The following CREM variants were observed in gnomAD, a reference collection of about 807,000 sequenced individuals.
CREM encodes cAMP-responsive element modulator.
A neutral mutation model predicts 37.3 loss-of-function variants in CREM; 13 were observed. That is an observed-to-expected ratio of 0.35 (90% CI 0.23 to 0.55). CREM has a LOEUF of 0.55. Ranked by LOEUF, CREM falls within the 20% of genes least tolerant of loss-of-function variation. CREM has a pLI of 0.88. For synonymous variants in CREM, 124 were observed against 120.2 expected (o/e 1.03, Z -0.21); for missense variants, 296 against 362.3 (o/e 0.82, Z 1.49).
chr10:35,194,670 G>A (rs1247006239), intron 6 of CREM, among the ~76,000 whole-genome samples: 1 of 151,764 alleles, frequency 6.6e-6, no homozygotes, highest in African/African-American at 2.4e-5. Context: ...GTGAACACAG[G>A]TGGCTGGATA....
chr10:35,142,786 T>C (rs1321914182), intron 2 of CREM, among the ~76,000 whole-genome samples: 1 of 152,098 alleles, frequency 6.6e-6, no homozygotes, highest in African/African-American at 2.4e-5. Flanking sequence ...TTTTGTTTTC[T>C]ATGTGGAGAC....
Position 35,211,718 on chromosome 10 carries a change from T to C in CREM, c.*320T>C. On this transcript the variant is annotated 3_prime_UTR_variant, in exon 8 of 8. Transcript: ENST00000685392. ...TATGTAAAATGTCTGGAGAGCCGAGTTGCAGTGCTGGAAGTCCAGAACAAG... is the reference window on the plus strand; with the variant it reads ...TATGTAAAATGTCTGGAGAGCCGAGCTGCAGTGCTGGAAGTCCAGAACAAG... The C allele has an allele frequency of 6.2e-7, 1 of 1,614,092 alleles. No homozygotes were observed. The highest frequency in any genetic ancestry group is 1.7e-5 in the Admixed American group (1 of 60,002).
At chr10:35,150,225 CACT>C (rs760910759) in intron 3 of CREM, among the ~76,000 whole-genome samples, 1 of 151,864 alleles carries the variant, frequency 6.6e-6, no homozygotes, top group Non-Finnish European at 1.5e-5. Flanking sequence ...GACAAGTTCT[CACT>C]ATATTGCCCA....
intron 3 of CREM, chr10:35,175,930 A>T (rs1456004492): frequency 1.3e-6 from 2 of 1,551,846 alleles, no homozygotes; most frequent in Non-Finnish European, 8.7e-7. Flanking sequence ...GCCAAACTAT[A>T]CATGTCCAGG....
At chr10:35,147,688 ATATT>A (rs762466423) in intron 2 of CREM, among the ~76,000 whole-genome samples, 7 of 152,204 alleles carry the variant, frequency 4.6e-5, no homozygotes, top group Non-Finnish European at 7.3e-5. Flanking sequence ...GAATCATAGA[ATATT>A]TATACTTTTC....
Position 35,146,780 on chromosome 10 carries a change from T to G in CREM, c.45-1588T>G, listed in dbSNP as rs147361072. Among the ~76,000 whole-genome samples, 125 of 152,310 alleles carry G rather than the reference T, an allele frequency of 8.2e-4. 1 individual carries two copies. In the East Asian group the frequency reaches 0.023, roughly 28 times the overall value. ...GTAGTATAGATGATAGCAGACAGGT[T>G]TGAGCATGGAAGGATTGGATTTGGG... On this transcript the variant is annotated intron_variant, in intron 2 of 7. Coordinates refer to ENST00000685392, the MANE Select transcript of CREM (RefSeq NM_183011.2).
chr10:35,154,283 C>T (rs904296018), intron 3 of CREM: 10 of 385,902 alleles, frequency 2.6e-5, no homozygotes, highest in Admixed American at 9.0e-5. Context: ...ATGTAGATGG[C>T]AATCACAAAA....
intron 6 of CREM, among the ~76,000 whole-genome samples, chr10:35,192,690 G>A (rs1007232362): frequency 6.6e-6 from 1 of 151,814 alleles, no homozygotes; most frequent in Non-Finnish European, 1.5e-5. Context: ...TGTTCACAAG[G>A]GTGTCACCCT....
chr10:35,207,167 C>G lies in CREM; in HGVS notation c.755+116C>G, dbSNP rs192351396. The G allele has an allele frequency of 1.3e-3, 1,300 of 1,019,626 alleles. 24 individuals are homozygous for G. In the East Asian group the frequency reaches 0.035, roughly 28 times the overall value. The allele number at this position is 1,019,626 out of a possible 1,614,324, so 63.2% of individuals were successfully genotyped here. On this transcript the variant is annotated intron_variant, in intron 7 of 7. Transcript: ENST00000685392. ...CAGCACTTTGGGAGGCCAAGGCAGG[C>G]GGATCACAGGGTCAGGAGATCAAGA... is the stretch of plus-strand genomic sequence containing the variant.
chr10:35,206,247 CAAAA>C (rs1032228778), intron 6 of CREM, among the ~76,000 whole-genome samples: 1 of 109,286 alleles, frequency 9.2e-6, no homozygotes, highest in African/African-American at 3.3e-5. Flanking sequence ...GACTCCGTCT[CAAAA>C]AAAAAAAAAT....
chr10:35,181,911 C>T (rs1171326539), intron 5 of CREM, among the ~76,000 whole-genome samples: 3 of 152,096 alleles, frequency 2.0e-5, no homozygotes, highest in African/African-American at 7.2e-5. Flanking sequence ...TGTCTATTTG[C>T]CACATAAGAG....
At chr10:35,158,448 G>A (rs866402883) in intron 3 of CREM, 20 of 287,492 alleles carry the variant, frequency 7.0e-5, no homozygotes, top group Middle Eastern at 1.3e-3. Context: ...GAACAGTGCC[G>A]CCTGCAGAGG....
chr10:35,168,674 T>C (rs1302251839), intron 3 of CREM, among the ~76,000 whole-genome samples: 1 of 152,256 alleles, frequency 6.6e-6, no homozygotes, highest in African/African-American at 2.4e-5. Context: ...TCCTTGCCCA[T>C]GCCTATGTCC....
chr10:35,135,739 AAAAAGAGAG>A (rs781378736), intron 1 of CREM, among the ~76,000 whole-genome samples: 1 of 114,710 alleles, frequency 8.7e-6, no homozygotes, highest in Admixed American at 8.8e-5. Flanking sequence ...AAAAAAAAAA[AAAAAGAGAG>A]ACATTAAAAA....
chr10:35,162,352 C>G (rs1206117647), intron 3 of CREM, among the ~76,000 whole-genome samples: 1 of 152,126 alleles, frequency 6.6e-6, no homozygotes, highest in African/African-American at 2.4e-5. Flanking sequence ...AGCTATCATA[C>G]AGCATGGTGA....
At chr10:35,204,543 T>G (rs2095472975) in intron 6 of CREM, among the ~76,000 whole-genome samples, 1 of 133,144 alleles carries the variant, frequency 7.5e-6, no homozygotes, top group Admixed American at 8.8e-5. Context: ...AAGGTTGCAG[T>G]AAGCCAAGAT....
intron 3 of CREM, chr10:35,154,246 T>C (rs1041321332): frequency 2.5e-6 from 1 of 393,040 alleles, no homozygotes; most frequent in Non-Finnish European, 4.5e-6. Context: ...CCAAAAATCT[T>C]CTTGGTCCCA....
chr10:35,155,254 G>A (rs1164051359), intron 3 of CREM, among the ~76,000 whole-genome samples: 1 of 149,570 alleles, frequency 6.7e-6, no homozygotes, highest in Admixed American at 6.6e-5. Flanking sequence ...TTTACTAATG[G>A]GTAGTTTGTC....
intron 1 of CREM, among the ~76,000 whole-genome samples, chr10:35,130,404 G>T (rs1158541675): frequency 1.3e-5 from 2 of 152,076 alleles, no homozygotes; most frequent in African/African-American, 2.4e-5. Context: ...TTCTGATACT[G>T]TATATCCAGT....
Sources: gnomAD v4.1 joint callset for allele counts (sites outside exome capture counted in the v4.1 genomes callset) on GRCh38, gnomAD v4.1.1 for gene constraint, MANE v1.5 for transcripts, NCBI Gene and HGNC (gene_info 2026-07-23, HGNC 2026-07-21) for gene names.